Variants in NADSYN1 observed in about 807,000 individuals in gnomAD.
The protein encoded by NADSYN1 is NAD synthetase 1.
In NADSYN1, 80 loss-of-function variants were observed where a neutral mutation model predicts 99.3. The observed-to-expected ratio is 0.81, with a 90% CI of 0.67 to 0.97. The LOEUF (loss-of-function observed/expected upper bound fraction) is 0.97, where lower values mean the gene tolerates loss of function less well. NADSYN1 is among the 50% of genes least tolerant of loss of function. The pLI is 0.00. For synonymous variants in NADSYN1, 385 were observed against 372.1 expected (o/e 1.03, Z -0.40); for missense variants, 859 against 948.5 (o/e 0.91, Z 1.24).
chr11:71,491,077 T>C (rs1949775739), intron 17 of NADSYN1, 101 bp downstream of exon 17: 1 of 1,498,714 alleles, frequency 6.7e-7, no homozygotes, highest in Non-Finnish European at 9.1e-7. Flanking sequence ...GTAGCTCCTG[T>C]TGCCTGCTGA....
chr11:71,498,859 C>G (rs1037293129), intron 20 of NADSYN1: 2 of 190,790 alleles, frequency 1.0e-5, no homozygotes, highest in African/African-American at 4.7e-5. Context: ...AATCTACTCT[C>G]TTAGCAATTT....
At chr11:71,481,179 T>A (rs3763860) in intron 11 of NADSYN1, 177 bp from the exon 12 acceptor site, 2 of 706,464 alleles carry the variant, frequency 2.8e-6, no homozygotes, top group East Asian at 5.0e-5. Context: ...ACGTCCTGGG[T>A]CTGTCTTCAG....
At position 71,463,485 on chromosome 11, in the gene NADSYN1, G is replaced by T; in HGVS notation, c.317G>T (p.Arg106Met). Residue 106 changes from arginine (R) to methionine (M), a missense_variant and splice_region_variant, in exon 4 of 21, where the codon AGG becomes ATG. Coordinates refer to ENST00000319023, the MANE Select transcript of NADSYN1 (RefSeq NM_018161.5). ...AACTGCAGAGTGATATTCCTCAACA[G>T]GTAGGCCCCCTGCCCCCACCCCGGG... ...RYNCRVIFLN[R>M]KILLIRPKMA... The T allele has an allele frequency of 1.2e-6, 2 of 1,613,836 alleles. No homozygotes were observed. Among genetic ancestry groups the T allele is most frequent in the Non-Finnish European group, 1.7e-6 (2 of 1,179,812 alleles).
At chr11:71,462,664 A>G (rs1949558019) in intron 3 of NADSYN1, among the ~76,000 whole-genome samples, 2 of 152,208 alleles carry the variant, frequency 1.3e-5, no homozygotes. Flanking sequence ...CACACCGGTT[A>G]CTTAGCCAGT....
chr11:71,490,723 A>T, intron 16 of NADSYN1, 122 bp from the exon 17 acceptor site: 1 of 1,410,662 alleles, frequency 7.1e-7, no homozygotes. Flanking sequence ...CTTCTCCGGG[A>T]TGCTTGAATA....
Position 71,472,462 on chromosome 11 carries a change from T to A in NADSYN1, c.421T>A (p.Tyr141Asn). 1 of 1,613,296 alleles carries A rather than the reference T, an allele frequency of 6.2e-7. No individual in the cohort carries two copies. Among genetic ancestry groups the A allele is most frequent in the African/African-American group, 1.3e-5 (1 of 74,940 alleles). The change falls in exon 6 of 21, where the codon TAC becomes AAC. Residue 141 changes from tyrosine (Y) to asparagine (N), a missense_variant. Tyr to Asn is a moderately radical substitution (Grantham distance 143). Transcript: ENST00000319023. ...PWSRSRHTEE[Y>N]FLPRMIQDLT... The stretch of plus-strand genomic sequence containing the variant: ...TTTCCTCTCCAGGCACACAGAGGAG[T>A]ACTTTCTGCCTCGGATGATACAGGA...
At chr11:71,499,516 A>C (rs1471222183) in intron 20 of NADSYN1, 1 of 152,214 alleles carries the variant, frequency 6.6e-6, no homozygotes, top group East Asian at 1.9e-4. Context: ...GTCGTTTCTA[A>C]GTAGCCAGGG....
intron 2 of NADSYN1, among the ~76,000 whole-genome samples, chr11:71,457,274 C>T (rs1949520516): frequency 6.6e-6 from 1 of 152,266 alleles, no homozygotes; most frequent in African/African-American, 2.4e-5. Flanking sequence ...TATCTGAGAA[C>T]TGGGCTTTTC....
Position 71,476,666 on chromosome 11 carries a change from G to A in NADSYN1, c.799-1729G>A, listed in dbSNP as rs1038457082. 4 of 985,598 alleles carry A rather than the reference G, an allele frequency of 4.1e-6. No homozygotes were observed. In the African/African-American group the frequency reaches 7.0e-5, roughly 17 times the overall value. 61.1% of individuals were successfully genotyped at this position (985,598 alleles called of 1,614,324 possible). A position where few individuals can be genotyped will look rare whatever the true frequency, so the allele number is the denominator to read the frequency against. The stretch of plus-strand genomic sequence containing the variant: ...CATTAACCGCGACAGAGCTGGAAGG[G>A]CTTTGAAGAGAAGGATTAAGTTCCT... On this transcript the variant is annotated intron_variant, in intron 9 of 20. Coordinates refer to ENST00000319023, the MANE Select transcript of NADSYN1 (RefSeq NM_018161.5).
In NADSYN1 at chr11:71,481,403, AG is replaced by A; in HGVS notation, c.1047+1del. On this transcript the variant is annotated frameshift_variant and splice_region_variant, in exon 12 of 21. Coordinates refer to ENST00000319023, the MANE Select transcript of NADSYN1 (RefSeq NM_018161.5). LOFTEE classifies it high-confidence loss of function. ...TGGGATTTTTTAAGACGAAGTCAAC[AG>A]GTAAGACTTCCAGTTTCTAGTGAGC... ...WLWDFLRRSQ[Q>X]AGFLLPLSGG... 2.5e-6 allele frequency: 4 copies of A among 1,613,614 alleles called. No homozygotes were observed. The highest frequency in any genetic ancestry group is 3.4e-6 in the Non-Finnish European group (4 of 1,179,862).
intron 5 of NADSYN1, among the ~76,000 whole-genome samples, chr11:71,466,287 A>G (rs1339065942): frequency 6.6e-6 from 1 of 152,020 alleles, no homozygotes; most frequent in Admixed American, 6.6e-5. Flanking sequence ...ACACTCAGCC[A>G]CTTGGACTTT....
intron 15 of NADSYN1, chr11:71,484,776 TGA>T (rs1949731312): frequency 3.2e-6 from 1 of 317,046 alleles, no homozygotes; most frequent in Admixed American, 4.2e-5. Flanking sequence ...TGTCTGAGCC[TGA>T]GTGTGAGCCT....
intron 20 of NADSYN1, chr11:71,498,751 C>A: frequency 2.2e-6 from 1 of 454,902 alleles, no homozygotes; most frequent in Non-Finnish European, 4.0e-6. Flanking sequence ...CATGACATTT[C>A]GATATGTGTG....
At position 71,471,308 on chromosome 11, in the gene NADSYN1, G is replaced by A. The variant is rs561898379; in HGVS notation, c.408-1141G>A. ...TTTCTAATCCTCTGGGAGCTGTGCC[G>A]AATGATGACAAGAAATGGTCATGTT... On this transcript the variant is annotated intron_variant, in intron 5 of 20. Coordinates refer to ENST00000319023, the MANE Select transcript of NADSYN1 (RefSeq NM_018161.5). 2.5e-4 allele frequency among the ~76,000 whole-genome samples: 38 copies of A among 152,316 alleles called. No individual in the cohort carries two copies. In the South Asian group the frequency reaches 4.6e-3, roughly 18 times the overall value.
At chr11:71,465,496 A>G (rs1033897602) in intron 5 of NADSYN1, among the ~76,000 whole-genome samples, 3 of 152,230 alleles carry the variant, frequency 2.0e-5, no homozygotes, top group African/African-American at 7.2e-5. Flanking sequence ...TGCCACTTCC[A>G]TCTTGAATGA....
chr11:71,498,615 T>C (rs1949836862), intron 20 of NADSYN1, 87 bp downstream of exon 20: 11 of 1,462,636 alleles, frequency 7.5e-6, no homozygotes, highest in African/African-American at 2.8e-5. Context: ...TGAAAAACTT[T>C]CTTATATACA....
At chr11:71,474,150 T>C (rs2276357) in intron 8 of NADSYN1, among the ~76,000 whole-genome samples, 2 of 152,194 alleles carry the variant, frequency 1.3e-5, no homozygotes, top group East Asian at 3.9e-4. Flanking sequence ...GGTGATGGGG[T>C]CTGCCTTGTA....
rs944330291 is a variant in NADSYN1 at position 71,464,434 on chromosome 11, G to A, written c.407+292G>A. 8 of 296,646 alleles carry A rather than the reference G, an allele frequency of 2.7e-5. No individual in the cohort carries two copies. In the East Asian group the frequency reaches 4.7e-4, roughly 17 times the overall value. 18.4% of individuals were successfully genotyped at this position (296,646 alleles called of 1,614,324 possible). A position where few individuals can be genotyped will look rare whatever the true frequency, so the allele number is the denominator to read the frequency against. On this transcript the variant is annotated intron_variant, in intron 5 of 20. Transcript: ENST00000319023. The stretch of plus-strand genomic sequence containing the variant: ...AAATATCCTCTAGAGGCTTCCCATC[G>A]GTTACTTGGTGTGAGCCCCATGTAA...
chr11:71,477,403 A>G (rs994892247), intron 9 of NADSYN1: 5 of 1,289,800 alleles, frequency 3.9e-6, no homozygotes, highest in South Asian at 1.2e-5. Flanking sequence ...GGATGCGTGA[A>G]TCGGTCTCCT....
Sources: gnomAD v4.1 joint callset for allele counts (sites outside exome capture counted in the v4.1 genomes callset) on GRCh38, gnomAD v4.1.1 for gene constraint, MANE v1.5 for transcripts, NCBI Gene and HGNC (gene_info 2026-07-23, HGNC 2026-07-21) for gene names.